EFHC1: variants seen among roughly 807,000 people sequenced by gnomAD.
EFHC1 encodes EF-hand domain containing 1.
In EFHC1, 53 loss-of-function variants were observed where a neutral mutation model predicts 69.9. That is an observed-to-expected ratio of 0.76 (90% confidence interval 0.61 to 0.95). The LOEUF (loss-of-function observed/expected upper bound fraction) is 0.95, where lower values mean the gene tolerates loss of function less well. EFHC1 is among the 40% of genes least tolerant of loss of function. The pLI is 0.00. For missense variants in EFHC1, 739 were observed against 798.7 expected (o/e 0.93, Z 0.90); for synonymous variants, 256 against 278.4 (o/e 0.92, Z 0.80).
chr6:52,479,131 A>ATTCTGGTAT lies in EFHC1; in HGVS notation c.1374_1382dup (p.Ser459_Ile461dup), dbSNP rs758401770. ...AGTATCTTTGAGCCTCCTGTTCGCA[A>ATTCTGGTAT]TTCTGGTATCATTGGGGGCAAGTAC... On this transcript the variant is annotated inframe_insertion, in exon 8 of 11. Transcript: ENST00000371068. 14 of 1,614,000 alleles carry ATTCTGGTAT rather than the reference A, an allele frequency of 8.7e-6. No homozygotes were observed. The highest frequency in any genetic ancestry group is 1.2e-5 in the Non-Finnish European group (14 of 1,180,014).
chr6:52,423,714 C>T, intron 1 of EFHC1: 2 of 708,306 alleles, frequency 2.8e-6, no homozygotes, highest in South Asian at 3.7e-5. Context: ...TCTTGTTGCC[C>T]AGGCTGGTCT....
intron 6 of EFHC1, among the ~76,000 whole-genome samples, chr6:52,466,671 A>G (rs1297751079): frequency 6.6e-6 from 1 of 152,242 alleles, no homozygotes; most frequent in Non-Finnish European, 1.5e-5. Flanking sequence ...AATAGGAGGT[A>G]TATAATATGT....
At chr6:52,456,501 T>C (rs1765047551) in intron 5 of EFHC1, among the ~76,000 whole-genome samples, 1 of 152,370 alleles carries the variant, frequency 6.6e-6, no homozygotes, top group Non-Finnish European at 1.5e-5. Flanking sequence ...GCTTTATCAA[T>C]GTGACCTATA....
intron 2 of EFHC1, among the ~76,000 whole-genome samples, chr6:52,436,817 T>C (rs552407722): frequency 6.6e-6 from 1 of 152,240 alleles, no homozygotes; most frequent in Non-Finnish European, 1.5e-5. Flanking sequence ...AATTTTTGTA[T>C]TTTTAGTACA....
chr6:52,477,223 G>A (rs1765563214), intron 7 of EFHC1, among the ~76,000 whole-genome samples: 1 of 151,388 alleles, frequency 6.6e-6, no homozygotes. Context: ...TAACTATATT[G>A]TAGTTGTTTA....
intron 3 of EFHC1, among the ~76,000 whole-genome samples, chr6:52,444,332 A>C (rs1421479694): frequency 6.6e-6 from 1 of 152,204 alleles, no homozygotes; most frequent in African/African-American, 2.4e-5. Context: ...TCTGTTGAAT[A>C]GGAGTGGTGA....
chr6:52,455,047 G>T (rs1228309351), intron 5 of EFHC1, among the ~76,000 whole-genome samples: 1 of 151,988 alleles, frequency 6.6e-6, no homozygotes, highest in Non-Finnish European at 1.5e-5. Context: ...AGCTGTGATT[G>T]TGGTGCTGCA....
At chr6:52,462,194 A>G (rs1765182760) in intron 5 of EFHC1, among the ~76,000 whole-genome samples, 1 of 151,976 alleles carries the variant, frequency 6.6e-6, no homozygotes, top group Non-Finnish European at 1.5e-5. Flanking sequence ...AAATTGAAAA[A>G]CATATTTTCA....
At chr6:52,459,620 T>G (rs1418762584) in intron 5 of EFHC1, among the ~76,000 whole-genome samples, 5 of 152,234 alleles carry the variant, frequency 3.3e-5, no homozygotes, top group Admixed American at 1.3e-4. Context: ...GAAGGTCAGC[T>G]GAAACAACCA....
chr6:52,476,346 A>G (rs906322265), intron 7 of EFHC1, among the ~76,000 whole-genome samples: 8 of 152,224 alleles, frequency 5.3e-5, no homozygotes, highest in African/African-American at 1.9e-4. Flanking sequence ...AATGTAAAAG[A>G]AAAGTGGGAA....
chr6:52,445,449 C>T (rs573912189), intron 3 of EFHC1, among the ~76,000 whole-genome samples: 1 of 149,158 alleles, frequency 6.7e-6, no homozygotes, highest in African/African-American at 2.5e-5. Context: ...TCCCTCCCCC[C>T]TCCCCCTACC....
intron 10 of EFHC1, 29 bp downstream of exon 10, chr6:52,490,379 T>C (rs372648971): frequency 2.5e-6 from 4 of 1,581,306 alleles, no homozygotes; most frequent in Non-Finnish European, 3.5e-6. Flanking sequence ...TCTGAGTTCA[T>C]TGCAGAGGCT....
intron 5 of EFHC1, among the ~76,000 whole-genome samples, chr6:52,457,029 C>G (rs954088309): frequency 6.6e-6 from 1 of 152,174 alleles, no homozygotes; most frequent in African/African-American, 2.4e-5. Flanking sequence ...AATTGACTCT[C>G]AAAGGCATTT....
intron 1 of EFHC1, among the ~76,000 whole-genome samples, chr6:52,420,723 G>T (rs1764171604): frequency 6.6e-6 from 1 of 152,050 alleles, no homozygotes; most frequent in Non-Finnish European, 1.5e-5. Context: ...CATCTTGGCA[G>T]TGTGTTGGCG....
rs200895011 is a variant in EFHC1 at position 52,450,212 on chromosome 6, T to C, written c.574-2476T>C. The stretch of plus-strand genomic sequence containing the variant: ...GTTCTTTTGCATTTCCTGAGAATTG[T>C]TTTCTGTTTGATTATGTGGTCGATT... On this transcript the variant is annotated intron_variant, in intron 3 of 10. Transcript: ENST00000371068. 3.3e-5 allele frequency among the ~76,000 whole-genome samples: 5 copies of C among 152,282 alleles called. No homozygotes were observed. In the East Asian group the frequency reaches 7.7e-4, roughly 23 times the overall value.
At position 52,479,787 on chromosome 6, in the gene EFHC1, G is replaced by T. The variant is rs1396088438; in HGVS notation, c.1640G>T (p.Ser547Ile). 6.2e-7 allele frequency: 1 copy of T among 1,613,980 alleles called. No individual in the cohort carries two copies. The highest frequency in any genetic ancestry group is 8.5e-7 in the Non-Finnish European group (1 of 1,180,016). The part of the protein sequence containing the change: ...KREAPAPEAE[S>I]KQTEKDPGVQ... ...GAAGCGCCTGCTCCAGAAGCAGAAA[G>T]GTGTGTGTTTGATTGCTAGGGTTTG... Residue 547 changes from serine (S) to isoleucine (I), a missense_variant and splice_region_variant, in exon 9 of 11, where the codon AGC becomes ATC. Ser to Ile is a moderately radical substitution (Grantham distance 142, BLOSUM62 -2). Transcript: ENST00000371068.
chr6:52,431,733 G>C (rs1764419248), intron 2 of EFHC1, among the ~76,000 whole-genome samples: 1 of 152,170 alleles, frequency 6.6e-6, no homozygotes, highest in Non-Finnish European at 1.5e-5. Flanking sequence ...CCAGGGTATA[G>C]TTTAAATCCA....
chr6:52,474,085 G>A (rs1765494439), intron 7 of EFHC1, among the ~76,000 whole-genome samples: 1 of 152,310 alleles, frequency 6.6e-6, no homozygotes, highest in Non-Finnish European at 1.5e-5. Context: ...CACTTTGGGA[G>A]GCGGAGGCAG....
chr6:52,473,868 G>A (rs1765490064), intron 7 of EFHC1, among the ~76,000 whole-genome samples: 1 of 152,034 alleles, frequency 6.6e-6, no homozygotes. Context: ...CATTAAGATT[G>A]TAAAAAAAGG....
Sources: gnomAD v4.1 joint callset for allele counts (sites outside exome capture counted in the v4.1 genomes callset) on GRCh38, gnomAD v4.1.1 for gene constraint, MANE v1.5 for transcripts, NCBI Gene and HGNC (gene_info 2026-07-23, HGNC 2026-07-21) for gene names.